Variants in LOXHD1 observed in about 807,000 individuals in gnomAD.
LOXHD1 encodes the protein lipoxygenase homology domain-containing protein 1.
LOXHD1 carries 205 observed loss-of-function variants against 248.2 expected under a neutral mutation model. That is an observed-to-expected ratio of 0.83 (90% CI 0.74 to 0.93). The LOEUF is 0.93. Among genes scored for constraint, LOXHD1 ranks in the 40% least tolerant of loss-of-function variants. LOXHD1 has a pLI of 0.00. For synonymous variants in LOXHD1, 1,113 were observed against 1,162.8 expected (o/e 0.96, Z 0.87); for missense variants, 2,930 against 2,971.6 (o/e 0.99, Z 0.33).
In LOXHD1 at chr18:46,560,370, T is replaced by C; in HGVS notation, c.2774A>G (p.Gln925Arg). The change falls in exon 19 of 41, where the codon CAG (glutamine) becomes CGG (arginine). Residue 925 changes from glutamine (Q) to arginine (R), a missense_variant. Physicochemically the swap from Gln to Arg is conservative, Grantham distance 43. Coordinates refer to ENST00000642948, the MANE Select transcript of LOXHD1 (RefSeq NM_001384474.1). ...CTTCAGCCGCTCCTTCTTGAGCAGC[T>C]GCCGCAGCTTGTCCTTCTCCTTCTT... ...RKKKEKDKLR[Q>R]LLKKERLKAK... The C allele has an allele frequency of 6.4e-7, 1 of 1,552,650 alleles. No individual in the cohort carries two copies. The highest frequency in any genetic ancestry group is 8.7e-7 in the Non-Finnish European group (1 of 1,148,000).
At chr18:46,631,852 T>C (rs1172138775) in intron 4 of LOXHD1, among the ~76,000 whole-genome samples, 2 of 152,130 alleles carry the variant, frequency 1.3e-5, no homozygotes, top group Non-Finnish European at 2.9e-5. Context: ...CACTCCACAA[T>C]CTCTGAACAG....
chr18:46,558,872 C>T (rs1476623078), intron 20 of LOXHD1, among the ~76,000 whole-genome samples: 2 of 152,128 alleles, frequency 1.3e-5, no homozygotes, highest in Non-Finnish European at 2.9e-5. Flanking sequence ...TCTTAAGCCT[C>T]TCATGACCCC....
At chr18:46,593,071 T>C (rs906974527) in intron 10 of LOXHD1, among the ~76,000 whole-genome samples, 4 of 152,156 alleles carry the variant, frequency 2.6e-5, no homozygotes. Flanking sequence ...GAGGTACCAA[T>C]GGGGTGCTGA....
intron 1 of LOXHD1, 117 bp from the exon 2 acceptor site, chr18:46,649,386 C>A: frequency 1.3e-6 from 1 of 773,010 alleles, no homozygotes. Context: ...TCTTGGAATC[C>A]CTGCTGCATC....
chr18:46,593,524 G>T, intron 10 of LOXHD1, 76 bp downstream of exon 10: 1 of 1,497,346 alleles, frequency 6.7e-7, no homozygotes, highest in South Asian at 1.3e-5. Context: ...CTGGCTTAGA[G>T]AACCAGAATC....
At position 46,522,191 on chromosome 18, in the gene LOXHD1, G is replaced by A. The variant is rs2035611136; in HGVS notation, c.4995C>T (p.Asp1665=). 6.4e-7 allele frequency: 1 copy of A among 1,551,776 alleles called. No individual in the cohort carries two copies. Among genetic ancestry groups the A allele is most frequent in the Non-Finnish European group, 8.7e-7 (1 of 1,147,008 alleles). The change falls in exon 32 of 41, where the codon GAC becomes GAT. Residue 1665 remains aspartate (D), a synonymous_variant. Transcript: ENST00000642948. ...TGAAGCCCCTCTTCCCTCGGGGGTA[G>A]TCCAACCAGATGCGCTTACTACGTT... ...DDERSKRIWL[D]YPRGKRGFSR...
chr18:46,650,964 G>T (rs945292485), intron 1 of LOXHD1, among the ~76,000 whole-genome samples: 5 of 152,248 alleles, frequency 3.3e-5, no homozygotes, highest in African/African-American at 1.2e-4. Context: ...CTGGGGATTA[G>T]AGATGATGTA....
At chr18:46,568,804 C>T (rs759764631) in intron 16 of LOXHD1, among the ~76,000 whole-genome samples, 1 of 152,190 alleles carries the variant, frequency 6.6e-6, no homozygotes, top group Non-Finnish European at 1.5e-5. Flanking sequence ...TCACACTGGC[C>T]TCTTTTCCTG....
intron 23 of LOXHD1, chr18:46,544,728 G>A (rs1019834052): frequency 1.6e-5 from 7 of 446,316 alleles, no homozygotes; most frequent in African/African-American, 1.4e-4. Context: ...AATCAGACAA[G>A]CTTCAGAGTC....
chr18:46,542,046 A>G, intron 24 of LOXHD1, 106 bp from the exon 25 acceptor site: 1 of 1,077,086 alleles, frequency 9.3e-7, no homozygotes, highest in Non-Finnish European at 1.3e-6. Flanking sequence ...GCTGGCTGAT[A>G]TCATTAACAT....
intron 1 of LOXHD1, among the ~76,000 whole-genome samples, chr18:46,654,597 T>C (rs2039155878): frequency 6.6e-6 from 1 of 152,166 alleles, no homozygotes; most frequent in Non-Finnish European, 1.5e-5. Flanking sequence ...AGCCAGAAGG[T>C]AGCCTAAGAA....
intron 16 of LOXHD1, among the ~76,000 whole-genome samples, chr18:46,567,691 A>T (rs953741962): frequency 1.3e-5 from 2 of 152,260 alleles, no homozygotes; most frequent in African/African-American, 4.8e-5. Context: ...TAGTATGAGC[A>T]TGTGGGTGTT....
intron 25 of LOXHD1, among the ~76,000 whole-genome samples, chr18:46,540,151 G>C (rs2036494802): frequency 6.6e-6 from 1 of 152,202 alleles, no homozygotes; most frequent in Non-Finnish European, 1.5e-5. Flanking sequence ...GAAAACCAAG[G>C]CTCAGAGAGG....
chr18:46,609,360 T>G (rs1049424952), intron 6 of LOXHD1, among the ~76,000 whole-genome samples: 2 of 152,236 alleles, frequency 1.3e-5, no homozygotes. Context: ...TGTTTAACAC[T>G]GCACTTGAAT....
In LOXHD1 at chr18:46,557,619, G is replaced by A. The variant is rs1227422754; in HGVS notation, c.3217-130C>T. ...GTGAGACCCAAAGCAACCAGGAGTGGGGATGATGGAGAATGTCACTTAGTA... is the reference window on the plus strand; with the variant it reads ...GTGAGACCCAAAGCAACCAGGAGTGAGGATGATGGAGAATGTCACTTAGTA... On this transcript the variant is annotated intron_variant, in intron 20 of 40. Coordinates refer to ENST00000642948, the MANE Select transcript of LOXHD1 (RefSeq NM_001384474.1). 4.5e-6 allele frequency: 5 copies of A among 1,100,020 alleles called. No homozygotes were observed. In the East Asian group the frequency reaches 1.3e-4, roughly 28 times the overall value. The allele number at this position is 1,100,020 out of a possible 1,614,324, so 68.1% of individuals were successfully genotyped here.
intron 33 of LOXHD1, among the ~76,000 whole-genome samples, chr18:46,518,476 G>A (rs1222627565): frequency 6.6e-6 from 1 of 152,198 alleles, no homozygotes; most frequent in Non-Finnish European, 1.5e-5. Context: ...AAGGAGTTCT[G>A]ACAGCCCTTC....
intron 23 of LOXHD1, among the ~76,000 whole-genome samples, 200 bp downstream of exon 23, chr18:46,545,116 TA>T (rs1398914389): frequency 6.6e-6 from 1 of 152,136 alleles, no homozygotes; most frequent in Admixed American, 6.5e-5. Context: ...CCTTCACCAT[TA>T]GAACAGAAAA....
At chr18:46,501,057 T>C (rs909370873) in intron 37 of LOXHD1, among the ~76,000 whole-genome samples, 18 of 152,318 alleles carry the variant, frequency 1.2e-4, no homozygotes, top group Non-Finnish European at 2.4e-4. Flanking sequence ...GAATCTTGTC[T>C]GCTGCTCCCT....
intron 19 of LOXHD1, 131 bp downstream of exon 19, chr18:46,559,952 G>T: frequency 2.1e-6 from 2 of 945,892 alleles, no homozygotes; most frequent in Non-Finnish European, 3.1e-6. Context: ...AGCTATTTGG[G>T]AACCATGATG....
Sources: allele counts gnomAD v4.1 joint callset (sites outside exome capture counted in the v4.1 genomes callset), GRCh38; gene constraint gnomAD v4.1.1; transcripts MANE v1.5; gene names NCBI Gene and HGNC (gene_info 2026-07-23, HGNC 2026-07-21).